The following SLC4A8 variants were observed in gnomAD, a reference collection of about 807,000 sequenced individuals.
SLC4A8 encodes solute carrier family 4 member 8.
SLC4A8 carries 40 observed loss-of-function variants against 125.0 expected under a neutral mutation model. The ratio of observed to expected loss-of-function variants is 0.32; its 90% CI spans 0.25 to 0.42. The LOEUF is 0.42. SLC4A8 is among the 10% of genes least tolerant of loss of function. The pLI is 1.00. For synonymous variants in SLC4A8, 456 were observed against 476.0 expected (o/e 0.96, Z 0.55); for missense variants, 863 against 1,355.1 (o/e 0.64, Z 5.70).
At chr12:51,446,589 C>G (rs906787751) in intron 2 of SLC4A8, among the ~76,000 whole-genome samples, 1 of 152,206 alleles carries the variant, frequency 6.6e-6, no homozygotes, top group Non-Finnish European at 1.5e-5. Flanking sequence ...CACCAAGTCT[C>G]CTTCTCGGGG....
At chr12:51,396,949 A>G (rs953870206) in intron 1 of SLC4A8, among the ~76,000 whole-genome samples, 1 of 8,618 alleles carries the variant, frequency 1.2e-4, no homozygotes, top group Non-Finnish European at 2.9e-4. Context: ...TTTTTTTTTG[A>G]GACGGAGTCT....
At chr12:51,392,571 C>CAA (rs35992841) in intron 1 of SLC4A8, among the ~76,000 whole-genome samples, 36,629 of 118,888 alleles carry the variant, frequency 0.31, 6,278 homozygotes, top group East Asian at 0.42. Flanking sequence ...GATTCCGTAT[C>CAA]AAAAAAAAAA....
intron 22 of SLC4A8, chr12:51,502,281 G>A (rs1423306045): frequency 1.3e-5 from 2 of 152,274 alleles, no homozygotes; most frequent in Non-Finnish European, 2.9e-5. Context: ...TGTCGCCAAG[G>A]CTGGAGGGCA....
chr12:51,500,127 CTATT>C (rs939322854), intron 22 of SLC4A8, among the ~76,000 whole-genome samples: 3 of 152,112 alleles, frequency 2.0e-5, no homozygotes, highest in African/African-American at 7.2e-5. Flanking sequence ...AATGGTTGTG[CTATT>C]TATTAAGATG....
At chr12:51,465,584 C>G (rs1214126233) in intron 11 of SLC4A8, among the ~76,000 whole-genome samples, 1 of 152,208 alleles carries the variant, frequency 6.6e-6, no homozygotes, top group Non-Finnish European at 1.5e-5. Context: ...TGAAGGAGTT[C>G]TCCCATAATG....
intron 5 of SLC4A8, among the ~76,000 whole-genome samples, chr12:51,453,914 T>C (rs998634920): frequency 5.3e-5 from 8 of 152,186 alleles, no homozygotes; most frequent in African/African-American, 1.9e-4. Context: ...TCAAATGACA[T>C]GGTGTTAAGT....
intron 16 of SLC4A8, among the ~76,000 whole-genome samples, chr12:51,484,229 C>G (rs1951105312): frequency 6.6e-6 from 1 of 152,148 alleles, no homozygotes; most frequent in Admixed American, 6.5e-5. Context: ...TAAGTAAGTT[C>G]TGGGTCTTTG....
intron 1 of SLC4A8, among the ~76,000 whole-genome samples, chr12:51,402,865 G>A (rs879500110): frequency 6.6e-6 from 1 of 152,212 alleles, no homozygotes; most frequent in African/African-American, 2.4e-5. Context: ...TTCTGGGGGT[G>A]CTTGTCACTT....
At chr12:51,437,527 C>T (rs935665500) in intron 1 of SLC4A8, among the ~76,000 whole-genome samples, 3 of 152,116 alleles carry the variant, frequency 2.0e-5, no homozygotes, top group Admixed American at 1.3e-4. Flanking sequence ...TCTCTTGCCC[C>T]CATCTTGCCA....
At chr12:51,479,480 A>G (rs954231716) in intron 16 of SLC4A8, among the ~76,000 whole-genome samples, 1 of 152,140 alleles carries the variant, frequency 6.6e-6, no homozygotes, top group Non-Finnish European at 1.5e-5. Flanking sequence ...TGAAGCCAGG[A>G]GTTCCAGACC....
rs1473212560 is a variant in SLC4A8, at chr12:51,424,837, C to G, written c.-151C>G. ...TGGTTGCGGCGGATGCCTCGCGGGC[C>G]GGTGGCTATGGAGGCGGCGGCGGTT... is the stretch of plus-strand genomic sequence containing the variant. On this transcript the variant is annotated 5_prime_UTR_variant, in exon 1 of 25. Transcript: ENST00000453097. The G allele has an allele frequency of 1.3e-6, 1 of 761,262 alleles. No individual in the cohort carries two copies. The highest frequency in any genetic ancestry group is 2.6e-5 in the Admixed American group (1 of 39,000). The allele number at this position is 761,262 out of a possible 1,614,324, so 47.2% of individuals were successfully genotyped here. A position where few individuals can be genotyped will look rare whatever the true frequency, so the allele number is the denominator to read the frequency against.
intron 1 of SLC4A8, among the ~76,000 whole-genome samples, chr12:51,417,811 C>T (rs1309695965): frequency 3.9e-5 from 6 of 152,004 alleles, no homozygotes; most frequent in Non-Finnish European, 4.4e-5. Flanking sequence ...CCACTGCACC[C>T]GGCCTAATTT....
intron 1 of SLC4A8, among the ~76,000 whole-genome samples, chr12:51,400,392 G>A (rs958406271): frequency 3.3e-5 from 5 of 152,058 alleles, no homozygotes; most frequent in Admixed American, 1.3e-4. Flanking sequence ...AAATAGTCAC[G>A]TACAATTGTA....
intron 15 of SLC4A8, chr12:51,474,705 C>T: frequency 1.7e-6 from 1 of 588,254 alleles, no homozygotes; most frequent in Non-Finnish European, 2.9e-6. Context: ...GGGATGAAAC[C>T]ATGCAGGACA....
At chr12:51,466,973 G>A (rs906101013) in intron 11 of SLC4A8, among the ~76,000 whole-genome samples, 9 of 152,170 alleles carry the variant, frequency 5.9e-5, no homozygotes, top group Non-Finnish European at 1.0e-4. Context: ...GTGTGTATGT[G>A]TGTATGTGTG....
Position 51,469,749 on chromosome 12 carries a change from C to A in SLC4A8, c.1485C>A (p.Thr495=). 6.2e-7 allele frequency: 1 copy of A among 1,614,100 alleles called. No homozygotes were observed. The change falls in exon 12 of 25, where the codon ACC becomes ACA. Residue 495 remains threonine (T), a synonymous_variant. Coordinates refer to ENST00000453097, the MANE Select transcript of SLC4A8 (RefSeq NM_001039960.3). The stretch of plus-strand genomic sequence containing the variant: ...GTGCCTGCATGTCACCTGTCATCAC[C>A]TTTGGGGGACTGCTTGGAGAAGCCA... ...LYCACMSPVI[T]FGGLLGEATE...
intron 16 of SLC4A8, chr12:51,480,648 C>T (rs1448099755): frequency 1.0e-6 from 1 of 984,174 alleles, no homozygotes; most frequent in South Asian, 4.7e-5. Flanking sequence ...GATCTAAATG[C>T]CCGTGTAACT....
At chr12:51,430,990 G>C (rs140410400) in intron 1 of SLC4A8, among the ~76,000 whole-genome samples, 88 of 152,330 alleles carry the variant, frequency 5.8e-4, no homozygotes, top group African/African-American at 2.1e-3. Context: ...ATCTGATACA[G>C]GTCTCACTGG....
At chr12:51,414,421 G>A (rs1186073576) in intron 1 of SLC4A8, among the ~76,000 whole-genome samples, 1 of 152,044 alleles carries the variant, frequency 6.6e-6, no homozygotes, top group Non-Finnish European at 1.5e-5. Flanking sequence ...TGTTTCTCTT[G>A]CCTGATTGCT....
Sources: gnomAD v4.1 joint callset for allele counts (sites outside exome capture counted in the v4.1 genomes callset) on GRCh38, gnomAD v4.1.1 for gene constraint, MANE v1.5 for transcripts, NCBI Gene and HGNC (gene_info 2026-07-23, HGNC 2026-07-21) for gene names.